Variants in COA1 observed in about 807,000 individuals in gnomAD.
The protein encoded by COA1 is cytochrome c oxidase assembly factor 1.
Under a neutral mutation model 16.0 loss-of-function variants are expected in COA1, and 13 were observed. That is an observed-to-expected ratio of 0.81 (90% CI 0.53 to 1.29). COA1 has a LOEUF of 1.29. Among genes scored for constraint, COA1 ranks in the 50% most tolerant of loss-of-function variants. The pLI is 0.00. For missense variants in COA1, 179 were observed against 177.0 expected (o/e 1.01, Z -0.06); for synonymous variants, 65 against 65.7 (o/e 0.99, Z 0.05).
chr7:43,630,839 T>C (rs536408056), intron 6 of COA1, among the ~76,000 whole-genome samples: 57 of 152,212 alleles, frequency 3.7e-4, no homozygotes, highest in Non-Finnish European at 6.6e-4. Context: ...TCTGTTGATA[T>C]CTACATTTTA....
intron 6 of COA1, among the ~76,000 whole-genome samples, chr7:43,620,794 G>T (rs2083807236): frequency 6.6e-6 from 1 of 152,200 alleles, no homozygotes; most frequent in South Asian, 2.1e-4. Flanking sequence ...TCAAGAAGCT[G>T]TGAAGGTAGG....
intron 6 of COA1, among the ~76,000 whole-genome samples, chr7:43,624,217 GA>G (rs1361715424): frequency 6.6e-6 from 1 of 152,154 alleles, no homozygotes; most frequent in East Asian, 1.9e-4. Context: ...ATGGTTAGTA[GA>G]AATTGACAGT....
chr7:43,666,561 T>C (rs189510371), intron 1 of COA1, among the ~76,000 whole-genome samples: 226 of 152,354 alleles, frequency 1.5e-3, no homozygotes, highest in African/African-American at 5.0e-3. Flanking sequence ...TAAATATTTT[T>C]TAGTTCACAT....
chr7:43,679,300 G>C (rs972313010), intron 1 of COA1, among the ~76,000 whole-genome samples: 14 of 144,540 alleles, frequency 9.7e-5, no homozygotes, highest in Non-Finnish European at 1.8e-4. Flanking sequence ...TAAATTTTAT[G>C]TTATATTTTA....
intron 1 of COA1, among the ~76,000 whole-genome samples, chr7:43,714,245 T>C (rs899178120): frequency 6.6e-6 from 1 of 152,158 alleles, no homozygotes; most frequent in Non-Finnish European, 1.5e-5. Flanking sequence ...AGAGTTATAC[T>C]AAAACTTTAA....
At chr7:43,644,710 T>TTAGA (rs764989171) in intron 4 of COA1, among the ~76,000 whole-genome samples, 3,835 of 56,800 alleles carry the variant, frequency 0.068, 99 homozygotes, top group East Asian at 0.09. Flanking sequence ...GATAGATAGA[T>TTAGA]TAGATAGATA....
At chr7:43,647,466 T>C (rs756435540) in intron 3 of COA1, 69 bp downstream of exon 3, 23 of 1,032,418 alleles carry the variant, frequency 2.2e-5, no homozygotes, top group African/African-American at 4.7e-5. Flanking sequence ...TCTCAAGTAT[T>C]TCCTCTGATG....
At chr7:43,655,310 T>C (rs1255310675) in intron 1 of COA1, among the ~76,000 whole-genome samples, 3 of 152,156 alleles carry the variant, frequency 2.0e-5, no homozygotes, top group East Asian at 1.9e-4. Flanking sequence ...CATAGTGGCA[T>C]AGTTTTTAAA....
intron 2 of COA1, chr7:43,648,249 G>C (rs2089979525): frequency 5.1e-6 from 2 of 390,820 alleles, no homozygotes; most frequent in Non-Finnish European, 9.4e-6. Context: ...ATGTGATCTG[G>C]GAAAAGTCAT....
intron 1 of COA1, among the ~76,000 whole-genome samples, chr7:43,670,832 T>C (rs1331291879): frequency 6.6e-6 from 1 of 152,258 alleles, no homozygotes; most frequent in Non-Finnish European, 1.5e-5. Flanking sequence ...TCTTGTTTAC[T>C]GCCATAACTC....
At chr7:43,618,482 G>A (rs1320640857) in intron 6 of COA1, among the ~76,000 whole-genome samples, 1 of 152,108 alleles carries the variant, frequency 6.6e-6, no homozygotes, top group African/African-American at 2.4e-5. Flanking sequence ...AAGGAAGCAG[G>A]GGCCCAATCT....
rs542884486 is a variant in COA1, at chr7:43,634,226, T to C, written c.*133+5223A>G. On this transcript the variant is annotated intron_variant and NMD_transcript_variant, in intron 6 of 6. Transcript: ENST00000415076. ...CTCTCTGTTCTCATTCAGGTTGACA[T>C]TTGCCTGGTTCTTGGCATAAGAGCA... Among the ~76,000 whole-genome samples the C allele has an allele frequency of 5.4e-4, 82 of 152,334 alleles. 2 individuals carry two copies. Among genetic ancestry groups the C allele is most frequent in the Admixed American group, 1.6e-3 (25 of 15,302 alleles).
At chr7:43,692,851 T>C (rs1032478209) in intron 1 of COA1, among the ~76,000 whole-genome samples, 1 of 151,884 alleles carries the variant, frequency 6.6e-6, no homozygotes, top group African/African-American at 2.4e-5. Context: ...CAGAAATGCA[T>C]GTCCATCATT....
intron 6 of COA1, chr7:43,624,699 G>A (rs202162765): frequency 2.4e-5 from 39 of 1,614,038 alleles, no homozygotes; most frequent in East Asian, 4.5e-5. Context: ...CATTGTAACC[G>A]AAGAGTTAAT....
chr7:43,619,600 C>G, intron 6 of COA1: 1 of 1,612,410 alleles, frequency 6.2e-7, no homozygotes, highest in East Asian at 2.2e-5. Flanking sequence ...CTTTTAGCCT[C>G]AGAATATTCT....
intron 1 of COA1, among the ~76,000 whole-genome samples, chr7:43,710,770 A>G (rs945946497): frequency 6.6e-6 from 1 of 152,178 alleles, no homozygotes; most frequent in African/African-American, 2.4e-5. Flanking sequence ...TGGATATCAG[A>G]TCTTAACTGA....
At chr7:43,667,590 T>C (rs2092967977) in intron 1 of COA1, among the ~76,000 whole-genome samples, 1 of 152,238 alleles carries the variant, frequency 6.6e-6, no homozygotes, top group Non-Finnish European at 1.5e-5. Context: ...GCTTTGTTCC[T>C]TCTCAAAAGA....
chr7:43,716,699 C>T (rs2095402565), intron 1 of COA1, among the ~76,000 whole-genome samples: 1 of 152,174 alleles, frequency 6.6e-6, no homozygotes. Flanking sequence ...ATGTTAATCA[C>T]CAAGACCATG....
At chr7:43,726,874 T>C (rs2095627079) in intron 1 of COA1, among the ~76,000 whole-genome samples, 1 of 152,200 alleles carries the variant, frequency 6.6e-6, no homozygotes, top group African/African-American at 2.4e-5. Flanking sequence ...GGGCAGAGGA[T>C]CTGAGTACAC....
Sources: allele counts gnomAD v4.1 joint callset (sites outside exome capture counted in the v4.1 genomes callset), GRCh38; gene constraint gnomAD v4.1.1; transcripts MANE v1.5; gene names NCBI Gene and HGNC (gene_info 2026-07-23, HGNC 2026-07-21).